The following UPRT variants were observed in gnomAD, a reference collection of about 807,000 sequenced individuals.
The protein encoded by UPRT is uracil phosphoribosyltransferase homolog.
In UPRT, 5 loss-of-function variants were observed where a neutral mutation model predicts 22.6. That is an observed-to-expected ratio of 0.22 (90% confidence interval 0.12 to 0.47). The LOEUF (loss-of-function observed/expected upper bound fraction) is 0.47, where lower values mean the gene tolerates loss of function less well. Ranked by LOEUF, UPRT falls within the 20% of genes least tolerant of loss-of-function variation. The pLI is 0.99. For missense variants in UPRT, 181 were observed against 239.9 expected (o/e 0.75, Z 1.62); for synonymous variants, 77 against 87.7 (o/e 0.88, Z 0.68).
At chrX:75,236,568 C>A (rs2082465232) in intron 4 of UPRT, among the ~76,000 whole-genome samples, 1 of 111,622 alleles carries the variant, frequency 9.0e-6, no homozygotes, top group Non-Finnish European at 1.9e-5. Context: ...GCTACAGTAA[C>A]CAAAACAGTA....
intron 4 of UPRT, among the ~76,000 whole-genome samples, chrX:75,265,668 C>T (rs1005859729): frequency 5.4e-5 from 6 of 112,123 alleles, no homozygotes; most frequent in African/African-American, 1.9e-4. Context: ...CTGAAGCCTT[C>T]TTCTCTAAAC....
intron 4 of UPRT, among the ~76,000 whole-genome samples, chrX:75,251,507 G>A (rs375054274): frequency 9.0e-6 from 1 of 111,121 alleles, no homozygotes; most frequent in Admixed American, 9.6e-5. Context: ...ACTTACAAGG[G>A]ACGTGAAGGA....
intron 4 of UPRT, among the ~76,000 whole-genome samples, chrX:75,259,582 C>A (rs1169448865): frequency 9.1e-6 from 1 of 109,763 alleles, no homozygotes; most frequent in Non-Finnish European, 1.9e-5. Context: ...AAGGAACAAA[C>A]AAAGCCTCTG....
chrX:75,199,612 G>A (rs192880374), intron 4 of UPRT, among the ~76,000 whole-genome samples: 1 of 111,274 alleles, frequency 9.0e-6, no homozygotes, highest in African/African-American at 3.3e-5. Flanking sequence ...TAACTACAGG[G>A]AAAGACTCCT....
At position 75,260,979 on chromosome X, in the gene UPRT, T is replaced by C. The variant is rs192910624; in HGVS notation, c.-446-30045T>C. Among the ~76,000 whole-genome samples, 171 of 112,088 alleles carry C rather than the reference T, an allele frequency of 1.5e-3. 2 individuals are homozygous for C. The highest frequency in any genetic ancestry group is 5.3e-3 in the African/African-American group (164 of 30,846). On this transcript the variant is annotated intron_variant, in intron 4 of 13. Transcript: ENST00000652605. ...CAAAACTGCACAACTACATGGAAACTAAACAACTTGCTCCTGAATGACTAC... is the reference window on the plus strand; with the variant it reads ...CAAAACTGCACAACTACATGGAAACCAAACAACTTGCTCCTGAATGACTAC...
At chrX:75,160,986 T>C (rs2082197519) in intron 2 of UPRT, among the ~76,000 whole-genome samples, 1 of 112,845 alleles carries the variant, frequency 8.9e-6, no homozygotes, top group Non-Finnish European at 1.9e-5. Context: ...AACATATATA[T>C]ACATTTATAT....
intron 4 of UPRT, among the ~76,000 whole-genome samples, chrX:75,241,494 C>A (rs1338718199): frequency 1.8e-5 from 2 of 111,445 alleles, no homozygotes; most frequent in Admixed American, 9.6e-5. Flanking sequence ...ACTAGTATAA[C>A]CACTATGGAA....
chrX:75,218,152 A>G (rs1325362790), intron 4 of UPRT, among the ~76,000 whole-genome samples: 4 of 112,164 alleles, frequency 3.6e-5, no homozygotes, highest in African/African-American at 1.3e-4. Flanking sequence ...ACAAAGGACT[A>G]ATATCCAGAA....
intron 3 of UPRT, among the ~76,000 whole-genome samples, chrX:75,297,203 A>G (rs1348080211): frequency 1.8e-5 from 2 of 111,959 alleles, no homozygotes; most frequent in Non-Finnish European, 3.8e-5. Context: ...TTCTCTTTGA[A>G]TTCAGTTTGA....
intron 4 of UPRT, among the ~76,000 whole-genome samples, chrX:75,191,813 A>C (rs887864349): frequency 8.9e-6 from 1 of 112,006 alleles, no homozygotes; most frequent in African/African-American, 3.2e-5. Flanking sequence ...CCCTTGGAAG[A>C]GCGTATTAGG....
rs1212356672 is a variant in UPRT, at chrX:75,172,945, G to A, written c.-447+5066G>A. Among the ~76,000 whole-genome samples, 10 of 111,132 alleles carry A rather than the reference G, an allele frequency of 9.0e-5. No individual in the cohort carries two copies. The South Asian group carries it at 1.2e-3, about 13-fold the overall frequency. On this transcript the variant is annotated intron_variant, in intron 4 of 13. Transcript: ENST00000652605. The stretch of plus-strand genomic sequence containing the variant: ...CCACAGTGTGGAAGGGGACCTGAGC[G>A]GGTTGCACTGCTGGCTCGGGCAGCC...
At chrX:75,192,462 C>T (rs1373424004) in intron 4 of UPRT, among the ~76,000 whole-genome samples, 1 of 111,041 alleles carries the variant, frequency 9.0e-6, no homozygotes, top group Non-Finnish European at 1.9e-5. Flanking sequence ...GAGTTTTGTA[C>T]ATGTCTATTA....
At chrX:75,245,677 A>G (rs1328738096) in intron 4 of UPRT, among the ~76,000 whole-genome samples, 4 of 112,146 alleles carry the variant, frequency 3.6e-5, no homozygotes, top group African/African-American at 1.3e-4. Flanking sequence ...TATCCTTAGC[A>G]AACTAATACA....
chrX:75,263,973 G>T (rs1378167416), intron 4 of UPRT, among the ~76,000 whole-genome samples: 2 of 110,242 alleles, frequency 1.8e-5, no homozygotes, highest in African/African-American at 6.6e-5. Context: ...ATTTCGTTAT[G>T]TACCCAGTAG....
intron 4 of UPRT, among the ~76,000 whole-genome samples, chrX:75,213,255 C>A (rs2082384434): frequency 8.9e-6 from 1 of 111,964 alleles, no homozygotes; most frequent in Non-Finnish European, 1.9e-5. Flanking sequence ...ATTAAATGGT[C>A]TTTTAGCATC....
At chrX:75,194,809 G>A (rs913969861) in intron 4 of UPRT, among the ~76,000 whole-genome samples, 4 of 111,075 alleles carry the variant, frequency 3.6e-5, no homozygotes, top group Non-Finnish European at 7.5e-5. Flanking sequence ...CTTTGTGCAC[G>A]TTCATGCAGG....
intron 4 of UPRT, among the ~76,000 whole-genome samples, chrX:75,187,125 C>G (rs2082295742): frequency 9.0e-6 from 1 of 111,727 alleles, no homozygotes; most frequent in Non-Finnish European, 1.9e-5. Flanking sequence ...TCTTGATGGT[C>G]TTTACATTTT....
chrX:75,237,941 A>T (rs1311206993), intron 4 of UPRT, among the ~76,000 whole-genome samples: 1 of 111,290 alleles, frequency 9.0e-6, no homozygotes, highest in Non-Finnish European at 1.9e-5. Flanking sequence ...TAAAAGTTAA[A>T]GTATAACAAT....
chrX:75,173,921 C>T (rs753836949), intron 4 of UPRT, among the ~76,000 whole-genome samples: 4 of 111,910 alleles, frequency 3.6e-5, no homozygotes, highest in South Asian at 7.4e-4. Context: ...CACGCCTACC[C>T]GGAACTCCAG....
Sources: gnomAD v4.1 joint callset for allele counts (sites outside exome capture counted in the v4.1 genomes callset) on GRCh38, gnomAD v4.1.1 for gene constraint, MANE v1.5 for transcripts, NCBI Gene and HGNC (gene_info 2026-07-23, HGNC 2026-07-21) for gene names.